ZFPM2: variants seen among roughly 807,000 people sequenced by gnomAD.
ZFPM2 encodes the protein zinc finger protein ZFPM2.
ZFPM2 carries 20 observed loss-of-function variants against 98.6 expected under a neutral mutation model. The observed-to-expected ratio is 0.20, with a 90% CI of 0.14 to 0.29. ZFPM2 has a LOEUF of 0.29. Among genes scored for constraint, ZFPM2 ranks in the 10% least tolerant of loss-of-function variants. The probability of loss-of-function intolerance (pLI) is 1.00; values close to 1 mark genes in which losing one functional copy is unlikely to be tolerated. For synonymous variants in ZFPM2, 518 were observed against 502.7 expected (o/e 1.03, Z -0.41); for missense variants, 1,310 against 1,388.6 (o/e 0.94, Z 0.90).
chr8:105,542,175 A>G (rs1814588820), intron 3 of ZFPM2, among the ~76,000 whole-genome samples: 1 of 152,144 alleles, frequency 6.6e-6, no homozygotes, highest in African/African-American at 2.4e-5. Flanking sequence ...ATAGTGAGTA[A>G]AAATATCGTA....
chr8:105,764,525 G>C (rs1397031060), intron 5 of ZFPM2, among the ~76,000 whole-genome samples: 1 of 151,146 alleles, frequency 6.6e-6, no homozygotes, highest in East Asian at 1.9e-4. Context: ...TATTTAGTCA[G>C]TGTTTTCTTT....
At chr8:105,611,811 G>T (rs1376436139) in intron 4 of ZFPM2, among the ~76,000 whole-genome samples, 1 of 151,390 alleles carries the variant, frequency 6.6e-6, no homozygotes, top group Non-Finnish European at 1.5e-5. Context: ...CGATTCTCCT[G>T]CCTCAGCTTC....
chr8:105,764,177 G>A (rs920835003), intron 5 of ZFPM2, among the ~76,000 whole-genome samples: 19 of 151,696 alleles, frequency 1.3e-4, no homozygotes, highest in African/African-American at 4.6e-4. Flanking sequence ...AGATAGAAGT[G>A]CAATTAATTG....
At chr8:105,336,931 G>A (rs2129645283) in intron 1 of ZFPM2, among the ~76,000 whole-genome samples, 1 of 151,910 alleles carries the variant, frequency 6.6e-6, no homozygotes, top group Non-Finnish European at 1.5e-5. Flanking sequence ...GAAAAAGTGA[G>A]TAGTTAGTTT....
intron 4 of ZFPM2, among the ~76,000 whole-genome samples, chr8:105,608,249 A>T (rs548653258): frequency 9.2e-5 from 14 of 152,226 alleles, no homozygotes; most frequent in Non-Finnish European, 1.6e-4. Flanking sequence ...TAACTGGGTG[A>T]TGAAATAAGC....
intron 1 of ZFPM2, among the ~76,000 whole-genome samples, chr8:105,384,862 G>A (rs189268989): frequency 3.1e-4 from 47 of 152,238 alleles, no homozygotes; most frequent in African/African-American, 1.1e-3. Flanking sequence ...AATAAATTTA[G>A]ATATTCAATA....
chr8:105,372,032 A>G (rs202081055), intron 1 of ZFPM2, among the ~76,000 whole-genome samples: 1,715 of 59,344 alleles, frequency 0.029, 23 homozygotes, highest in Middle Eastern at 0.047. Flanking sequence ...TATTATTATT[A>G]TTATTATTAT....
At chr8:105,588,164 A>G (rs1384810343) in intron 4 of ZFPM2, among the ~76,000 whole-genome samples, 31 of 152,192 alleles carry the variant, frequency 2.0e-4, no homozygotes, top group Admixed American at 2.0e-3. Context: ...TGCAAAATAT[A>G]TAAGCAAGAT....
At chr8:105,459,678 G>A (rs10100578) in intron 3 of ZFPM2, among the ~76,000 whole-genome samples, 75,295 of 151,910 alleles carry the variant, frequency 0.5, 18,828 homozygotes, top group East Asian at 0.63. Flanking sequence ...CTTTTTCTGC[G>A]TGTGTGAGGA....
intron 1 of ZFPM2, among the ~76,000 whole-genome samples, chr8:105,327,413 A>G (rs1164063671): frequency 2.6e-5 from 4 of 151,786 alleles, no homozygotes; most frequent in South Asian, 2.1e-4. Context: ...TGGAATATTG[A>G]ACAATGGTAT....
chr8:105,495,039 T>G (rs1177837943), intron 3 of ZFPM2, among the ~76,000 whole-genome samples: 1 of 152,254 alleles, frequency 6.6e-6, no homozygotes, highest in Non-Finnish European at 1.5e-5. Flanking sequence ...AAACTACTCT[T>G]AGCTGATAGC....
chr8:105,523,964 G>C (rs1251805529), intron 3 of ZFPM2, among the ~76,000 whole-genome samples: 2 of 152,112 alleles, frequency 1.3e-5, no homozygotes, highest in East Asian at 3.9e-4. Context: ...CTTCTCCCCA[G>C]ACTGCTCCCT....
chr8:105,689,714 A>C (rs13263495), intron 5 of ZFPM2, among the ~76,000 whole-genome samples: 23,135 of 152,098 alleles, frequency 0.15, 1,755 homozygotes, highest in Middle Eastern at 0.24. Context: ...TGATAAACAT[A>C]TTCTGCATGG....
At chr8:105,749,574 C>T (rs1320283474) in intron 5 of ZFPM2, among the ~76,000 whole-genome samples, 1 of 152,036 alleles carries the variant, frequency 6.6e-6, no homozygotes, top group Non-Finnish European at 1.5e-5. Flanking sequence ...ATTTTCTCCC[C>T]TCTAGGACTG....
At chr8:105,481,196 A>T (rs1264595767) in intron 3 of ZFPM2, among the ~76,000 whole-genome samples, 1 of 152,210 alleles carries the variant, frequency 6.6e-6, no homozygotes, top group African/African-American at 2.4e-5. Context: ...TTTCTAAAAA[A>T]AAAATTGGGG....
At chr8:105,665,587 A>G (rs1374117376) in intron 5 of ZFPM2, among the ~76,000 whole-genome samples, 1 of 152,200 alleles carries the variant, frequency 6.6e-6, no homozygotes, top group Non-Finnish European at 1.5e-5. Context: ...AAGACAACCT[A>G]TAAATGCTAC....
chr8:105,498,381 G>A (rs1813518737), intron 3 of ZFPM2, among the ~76,000 whole-genome samples: 1 of 152,054 alleles, frequency 6.6e-6, no homozygotes, highest in Admixed American at 6.6e-5. Context: ...AATTTATTTA[G>A]ACATGTGCTG....
chr8:105,383,835 GA>G (rs1212752624), intron 1 of ZFPM2, among the ~76,000 whole-genome samples: 1 of 151,800 alleles, frequency 6.6e-6, no homozygotes. Flanking sequence ...TCAGAATTTT[GA>G]AAAAAACAAA....
intron 3 of ZFPM2, among the ~76,000 whole-genome samples, chr8:105,500,039 T>A (rs1178759167): frequency 1.3e-5 from 2 of 152,258 alleles, no homozygotes; most frequent in Non-Finnish European, 2.9e-5. Flanking sequence ...TCTCCGTTAT[T>A]GCAGAGAAGA....
Sources: gnomAD v4.1 joint callset for allele counts (sites outside exome capture counted in the v4.1 genomes callset) on GRCh38, gnomAD v4.1.1 for gene constraint, MANE v1.5 for transcripts, NCBI Gene and HGNC (gene_info 2026-07-23, HGNC 2026-07-21) for gene names.